FBLN5: variants seen among roughly 807,000 people sequenced by gnomAD.
FBLN5 encodes the protein fibulin-5.
FBLN5 carries 24 observed loss-of-function variants against 61.6 expected under a neutral mutation model. The observed-to-expected ratio is 0.39, with a 90% CI of 0.28 to 0.55. FBLN5 has a LOEUF of 0.55. FBLN5 is among the 20% of genes least tolerant of loss of function. FBLN5 has a pLI of 0.65. For missense variants in FBLN5, 470 were observed against 594.1 expected, an observed-to-expected ratio of 0.79 and a Z score of 2.17; for synonymous variants, 213 against 219.8, an observed-to-expected ratio of 0.97 and a Z score of 0.27.
chr14:91,877,656 G>A lies in FBLN5; in HGVS notation c.1016C>T (p.Pro339Leu), dbSNP rs1243959368. ...DNRCMCPAENPGCRDQPFTIL... is the reference protein window; with the variant it reads ...DNRCMCPAENLGCRDQPFTIL... The stretch of plus-strand genomic sequence containing the variant: ...GGTAAAGGGCTGGTCTCTGCAGCCA[G>A]GGTTCTCAGCAGGACACATACAGCG... The change falls in exon 10 of 11, where the codon CCT becomes CTT. Residue 339 changes from proline to leucine, a missense_variant. Pro to Leu is a moderately conservative substitution (Grantham distance 98, BLOSUM62 -3). Transcript: ENST00000342058. 14 of 1,614,118 alleles carry A rather than the reference G, an allele frequency of 8.7e-6. No individual in the cohort carries two copies. The highest frequency in any genetic ancestry group is 1.2e-5 in the Non-Finnish European group (14 of 1,179,980).
intron 4 of FBLN5, among the ~76,000 whole-genome samples, chr14:91,907,582 T>C (rs1890734970): frequency 6.6e-6 from 1 of 151,608 alleles, no homozygotes; most frequent in Admixed American, 6.6e-5. Context: ...CACGTAGGAG[T>C]GCACAGTGAG....
At chr14:91,918,663 G>C (rs992159591) in intron 4 of FBLN5, among the ~76,000 whole-genome samples, 31 of 152,232 alleles carry the variant, frequency 2.0e-4, no homozygotes, top group African/African-American at 6.5e-4. Flanking sequence ...AAAATCTAAG[G>C]AAAGGCATGT....
chr14:91,918,760 G>C (rs1207634601), intron 4 of FBLN5, among the ~76,000 whole-genome samples: 1 of 152,158 alleles, frequency 6.6e-6, no homozygotes, highest in South Asian at 2.1e-4. Context: ...CTATCAACAA[G>C]CCAGCAAACA....
rs532652922 is a variant in FBLN5 at position 91,905,912 on chromosome 14, A to C, written c.380-10840T>G. 3.8e-4 allele frequency among the ~76,000 whole-genome samples: 56 copies of C among 148,774 alleles called. 1 individual carries two copies. The highest frequency in any genetic ancestry group is 1.3e-3 in the African/African-American group (53 of 39,976). ...GTTTGTTTGTTTGTTTTTTCACACAAAGTCTCGCTTTGTCACCCAGACTGG... is the reference window on the plus strand; with the variant it reads ...GTTTGTTTGTTTGTTTTTTCACACACAGTCTCGCTTTGTCACCCAGACTGG... On this transcript the variant is annotated intron_variant, in intron 4 of 10. Transcript: ENST00000342058.
intron 1 of FBLN5, chr14:91,946,692 T>C: frequency 1.3e-6 from 2 of 1,527,904 alleles, no homozygotes; most frequent in African/African-American, 1.4e-5. Context: ...CCTTAAAGAA[T>C]AGCAAAACAT....
At chr14:91,919,764 G>A (rs1325429917) in intron 4 of FBLN5, among the ~76,000 whole-genome samples, 1 of 152,194 alleles carries the variant, frequency 6.6e-6, no homozygotes, top group Non-Finnish European at 1.5e-5. Flanking sequence ...ACAAGGAACA[G>A]ATCCTTCCCT....
chr14:91,907,968 C>A (rs557575441), intron 4 of FBLN5, among the ~76,000 whole-genome samples: 23 of 152,108 alleles, frequency 1.5e-4, no homozygotes, highest in East Asian at 9.7e-4. Context: ...TAAAAAAAAA[C>A]CAAAAAACCC....
At chr14:91,887,371 A>G in intron 6 of FBLN5, 59 bp from the exon 7 acceptor site, 2 of 1,583,012 alleles carry the variant, frequency 1.3e-6, no homozygotes, top group Non-Finnish European at 8.6e-7. Flanking sequence ...CACAATAACT[A>G]GGCAGAAAAA....
Position 91,947,011 on chromosome 14 carries a change from C to G in FBLN5, c.17+202G>C. 6.6e-7 allele frequency: 1 copy of G among 1,511,854 alleles called. No homozygotes were observed. The highest frequency in any genetic ancestry group is 8.8e-7 in the Non-Finnish European group (1 of 1,132,624). The allele number at this position is 1,511,854 out of a possible 1,614,324, so 93.7% of individuals were successfully genotyped here. A position where few individuals can be genotyped will look rare whatever the true frequency, so the allele number is the denominator to read the frequency against. On this transcript the variant is annotated intron_variant, in intron 1 of 10. Coordinates refer to ENST00000342058, the MANE Select transcript of FBLN5 (RefSeq NM_006329.4). The surrounding 1 kb of genome is among the most constrained non-coding windows in gnomAD (Gnocchi z 4.3). ...GCTTTTGAAACTGTATTAGAAAATA[C>G]CCACTCCCAAAAGAACGCTTCAAGA...
chr14:91,934,903 TC>T (rs1595345567), intron 4 of FBLN5, among the ~76,000 whole-genome samples: 2 of 151,434 alleles, frequency 1.3e-5, no homozygotes, highest in South Asian at 2.1e-4. Flanking sequence ...TTCTCTTACT[TC>T]CCCCCACCCC....
At chr14:91,931,334 G>A (rs1193125022) in intron 4 of FBLN5, among the ~76,000 whole-genome samples, 3 of 152,140 alleles carry the variant, frequency 2.0e-5, no homozygotes, top group Admixed American at 6.5e-5. Flanking sequence ...AGAGAGCTCC[G>A]TGGCCATGCA....
intron 4 of FBLN5, among the ~76,000 whole-genome samples, chr14:91,928,780 C>T (rs1030557562): frequency 1.4e-5 from 2 of 141,124 alleles, no homozygotes; most frequent in African/African-American, 2.7e-5. Flanking sequence ...TGTCTCAGGC[C>T]GGGCGCAGTG....
intron 5 of FBLN5, among the ~76,000 whole-genome samples, chr14:91,892,722 C>T (rs2244642): frequency 6.6e-6 from 1 of 152,002 alleles, no homozygotes; most frequent in African/African-American, 2.4e-5. Flanking sequence ...CCCTTCACTA[C>T]GGGTACCTTG....
intron 10 of FBLN5, among the ~76,000 whole-genome samples, chr14:91,876,677 A>G (rs888320913): frequency 6.6e-6 from 1 of 152,310 alleles, no homozygotes; most frequent in Non-Finnish European, 1.5e-5. Context: ...GGCCCCCGGA[A>G]GCTGGAAGAG....
At chr14:91,871,911 G>A (rs1179517686) in intron 10 of FBLN5, among the ~76,000 whole-genome samples, 3 of 151,960 alleles carry the variant, frequency 2.0e-5, no homozygotes, top group African/African-American at 7.3e-5. Flanking sequence ...TCAAAGTGTG[G>A]TCCCTGGACC....
rs1027332064 is a variant in FBLN5, at chr14:91,946,882, T to A, written c.17+331A>T. On this transcript the variant is annotated intron_variant, in intron 1 of 10. Coordinates refer to ENST00000342058, the MANE Select transcript of FBLN5 (RefSeq NM_006329.4). ...AACTAGTAATTGGCCTCCCGAAATT[T>A]AAAAAATACATACAAAAATCCCTTA... 23 of 1,476,798 alleles carry A rather than the reference T, an allele frequency of 1.6e-5. No homozygotes were observed. The African/African-American group carries it at 3.0e-4, about 19-fold the overall frequency. 91.5% of individuals were successfully genotyped at this position (1,476,798 alleles called of 1,614,324 possible). A position where few individuals can be genotyped will look rare whatever the true frequency, so the allele number is the denominator to read the frequency against.
At chr14:91,888,641 T>TAC (rs1164623979) in intron 6 of FBLN5, among the ~76,000 whole-genome samples, 26 of 149,578 alleles carry the variant, frequency 1.7e-4, no homozygotes, top group African/African-American at 4.9e-4. Context: ...TATATATATA[T>TAC]ACACACACAC....
chr14:91,925,167 G>A (rs1041154568), intron 4 of FBLN5, among the ~76,000 whole-genome samples: 3 of 152,190 alleles, frequency 2.0e-5, no homozygotes, highest in African/African-American at 7.2e-5. Context: ...GTTTTAGTTT[G>A]AAAGAAAGTC....
At chr14:91,920,119 C>CA (rs957307084) in intron 4 of FBLN5, among the ~76,000 whole-genome samples, 16 of 152,206 alleles carry the variant, frequency 1.1e-4, no homozygotes, top group African/African-American at 3.9e-4. Flanking sequence ...GCAATCCTGG[C>CA]AAGCCTTCCC....
Sources: gnomAD v4.1 joint callset for allele counts (sites outside exome capture counted in the v4.1 genomes callset) on GRCh38, gnomAD v4.1.1 for gene constraint, Gnocchi (gnomAD v3.1) non-coding constraint, MANE v1.5 for transcripts, NCBI Gene and HGNC (gene_info 2026-07-23, HGNC 2026-07-21) for gene names.